Variants in DNMT3B observed in about 807,000 individuals in gnomAD.
DNMT3B encodes the protein DNA methyltransferase 3 beta, also known as DNA (cytosine-5)-methyltransferase 3B.
A neutral mutation model predicts 120.2 loss-of-function variants in DNMT3B; 37 were observed. The observed-to-expected ratio is 0.31, with a 90% CI of 0.24 to 0.40. DNMT3B has a LOEUF of 0.40. Ranked by LOEUF, DNMT3B falls within the 10% of genes least tolerant of loss-of-function variation. The pLI, the probability that DNMT3B is intolerant of heterozygous loss-of-function variation, is 1.00. For missense variants in DNMT3B, 878 were observed against 1,137.3 expected (o/e 0.77, Z 3.28); for synonymous variants, 412 against 442.8 (o/e 0.93, Z 0.87).
At chr20:32,781,860 G>T (rs1372781313) in intron 3 of DNMT3B, among the ~76,000 whole-genome samples, 5 of 152,184 alleles carry the variant, frequency 3.3e-5, no homozygotes, top group Non-Finnish European at 5.9e-5. Flanking sequence ...GTCACTTGTA[G>T]CCGTCTCCGT....
chr20:32,806,961 C>CT (rs1286565746), intron 22 of DNMT3B, among the ~76,000 whole-genome samples: 2 of 152,206 alleles, frequency 1.3e-5, no homozygotes, highest in African/African-American at 2.4e-5. Flanking sequence ...ACTTCTATAA[C>CT]TCATTTAATT....
At chr20:32,784,160 AC>A (rs575295751) in intron 3 of DNMT3B, among the ~76,000 whole-genome samples, 175 of 151,976 alleles carry the variant, frequency 1.2e-3, no homozygotes, top group African/African-American at 4.0e-3. Context: ...CAGGTGATCC[AC>A]CCGCGTCGGC....
chr20:32,786,151 TG>T (rs1380983318), intron 4 of DNMT3B, among the ~76,000 whole-genome samples: 1 of 152,262 alleles, frequency 6.6e-6, no homozygotes, highest in African/African-American at 2.4e-5. Context: ...CCCAAAGTGC[TG>T]GGATCACAGG....
intron 1 of DNMT3B, among the ~76,000 whole-genome samples, chr20:32,771,972 A>C (rs750633199): frequency 1.3e-5 from 2 of 152,240 alleles, no homozygotes; most frequent in Non-Finnish European, 2.9e-5. Context: ...TAGAGAAGAA[A>C]TGCTGCAGAG....
intron 3 of DNMT3B, among the ~76,000 whole-genome samples, chr20:32,784,385 T>A (rs1440668440): frequency 6.6e-6 from 1 of 152,204 alleles, no homozygotes; most frequent in African/African-American, 2.4e-5. Context: ...GAAGTACTGT[T>A]ATTCCAATTT....
chr20:32,779,896 C>T, intron 1 of DNMT3B: 1 of 620,488 alleles, frequency 1.6e-6, no homozygotes. Flanking sequence ...AAATAATGCA[C>T]TGGCTTCCTG....
intron 16 of DNMT3B, 150 bp from the exon 17 acceptor site, chr20:32,800,003 T>C: frequency 8.6e-7 from 1 of 1,167,342 alleles, no homozygotes; most frequent in East Asian, 2.4e-5. Flanking sequence ...ACACAGCCAA[T>C]ATGTGTGGTG....
At chr20:32,801,805 G>A (rs942142557) in intron 19 of DNMT3B, among the ~76,000 whole-genome samples, 1 of 152,062 alleles carries the variant, frequency 6.6e-6, no homozygotes, top group African/African-American at 2.4e-5. Context: ...CCCTAGTCTT[G>A]AACTCCTGGG....
At chr20:32,791,512 A>G (rs980153560) in intron 7 of DNMT3B, 89 bp from the exon 8 acceptor site, 1 of 1,267,646 alleles carries the variant, frequency 7.9e-7, no homozygotes, top group Admixed American at 1.9e-5. Flanking sequence ...GTGTGTGAAA[A>G]TCTTCTGCAT....
In DNMT3B at chr20:32,800,302, AG is replaced by A. The variant is rs1981171142; in HGVS notation, c.1905+7del. On this transcript the variant is annotated splice_donor_5th_base_variant and intron_variant, in intron 17 of 22. Transcript: ENST00000328111. ...GAGGAACATCACAAAGAAAAATGTG[AG>A]GGCAGTCTGTACCTTGCGGGCCTCA... 3 of 1,614,134 alleles carry A rather than the reference AG, an allele frequency of 1.9e-6. No homozygotes were observed. In the East Asian group the frequency reaches 6.7e-5, roughly 36 times the overall value.
At chr20:32,800,417 C>A in intron 17 of DNMT3B, 119 bp downstream of exon 17, 1 of 1,439,174 alleles carries the variant, frequency 6.9e-7, no homozygotes, top group Non-Finnish European at 9.6e-7. Flanking sequence ...GGATTGAAAT[C>A]CTGTGGGAAT....
At position 32,795,530 on chromosome 20, in the gene DNMT3B, C is replaced by T. The variant is rs1248002766; in HGVS notation, c.1248C>T (p.Ser416=). 4.3e-6 allele frequency: 7 copies of T among 1,614,142 alleles called. No homozygotes were observed. The highest frequency in any genetic ancestry group is 5.9e-6 in the Non-Finnish European group (7 of 1,180,032). The part of the protein sequence containing the change: ...NGKDRGDEDQ[S]REQMASDVAN... ...AAGACCGAGGGGATGAAGATCAGAG[C>T]CGAGGTGATTGTTGGGTACCTGGGA... Residue 416 remains serine, a synonymous_variant, in exon 11 of 23, where the codon AGC becomes AGT. Coordinates refer to ENST00000328111, the MANE Select transcript of DNMT3B (RefSeq NM_006892.4).
At chr20:32,766,623 C>A (rs1345657389) in intron 1 of DNMT3B, among the ~76,000 whole-genome samples, 1 of 152,122 alleles carries the variant, frequency 6.6e-6, no homozygotes, top group African/African-American at 2.4e-5. Flanking sequence ...GAGACAGTCT[C>A]GCTCTGTTGC....
intron 8 of DNMT3B, among the ~76,000 whole-genome samples, chr20:32,791,946 G>A (rs193143363): frequency 3.0e-4 from 46 of 152,310 alleles, no homozygotes; most frequent in African/African-American, 9.9e-4. Flanking sequence ...AAGAGCACGG[G>A]CAGTTAGGGG....
intron 1 of DNMT3B, among the ~76,000 whole-genome samples, chr20:32,765,514 G>A (rs967986572): frequency 1.3e-5 from 2 of 148,334 alleles, no homozygotes; most frequent in Admixed American, 6.7e-5. Flanking sequence ...TCTGCCTCCC[G>A]GGTTCAAGCA....
intron 4 of DNMT3B, among the ~76,000 whole-genome samples, chr20:32,785,672 G>A (rs1979182868): frequency 6.6e-6 from 1 of 152,120 alleles, no homozygotes. Context: ...ACTTAACTGA[G>A]GTTAAACATC....
intron 11 of DNMT3B, 45 bp from the exon 12 acceptor site, chr20:32,795,605 C>G: frequency 1.2e-6 from 2 of 1,614,150 alleles, no homozygotes; most frequent in Admixed American, 1.7e-5. Flanking sequence ...TTGATCTGTA[C>G]CCGGCTCCCT....
At chr20:32,791,535 A>G in intron 7 of DNMT3B, 66 bp from the exon 8 acceptor site, 1 of 1,500,826 alleles carries the variant, frequency 6.7e-7, no homozygotes, top group Non-Finnish European at 9.3e-7. Flanking sequence ...GATGGACAAC[A>G]TTGTGATAGA....
chr20:32,798,305 C>T (rs1164930352), intron 14 of DNMT3B, among the ~76,000 whole-genome samples, 155 bp from the exon 15 acceptor site: 6 of 152,140 alleles, frequency 3.9e-5, no homozygotes, highest in Non-Finnish European at 8.8e-5. Context: ...CAGGGAAGCC[C>T]GTACTGCACA....
Sources: gnomAD v4.1 joint callset for allele counts (sites outside exome capture counted in the v4.1 genomes callset) on GRCh38, gnomAD v4.1.1 for gene constraint, MANE v1.5 for transcripts, NCBI Gene and HGNC (gene_info 2026-07-23, HGNC 2026-07-21) for gene names.